Variants in YBX1 observed in about 807,000 individuals in gnomAD.
The protein encoded by YBX1 is Y-box-binding protein 1.
In YBX1, 3 loss-of-function variants were observed where a neutral mutation model predicts 41.4. That is an observed-to-expected ratio of 0.07 (90% CI 0.03 to 0.19). The LOEUF is 0.19. Among genes scored for constraint, YBX1 ranks in the 10% least tolerant of loss-of-function variants. YBX1 has a pLI of 1.00. For missense variants in YBX1, 274 were observed against 462.8 expected (o/e 0.59, Z 3.74); for synonymous variants, 133 against 165.8 (o/e 0.80, Z 1.52).
At chr1:42,701,643 TTAATAA>T (rs778016465) in intron 7 of YBX1, among the ~76,000 whole-genome samples, 1 of 152,126 alleles carries the variant, frequency 6.6e-6, no homozygotes, top group Non-Finnish European at 1.5e-5. Context: ...TGCCTGTAGA[TTAATAA>T]TAATAATTCT....
In YBX1 at chr1:42,693,440, A is replaced by G. The variant is rs16829879; in HGVS notation, c.231-50A>G. On this transcript the variant is annotated intron_variant, in intron 2 of 7. Coordinates refer to ENST00000321358, the MANE Select transcript of YBX1 (RefSeq NM_004559.5). The stretch of plus-strand genomic sequence containing the variant: ...TCTGGGAAAATTAATCTTTGACAAC[A>G]TGAGATTTATTTCATTTTCTAACTT... The G allele has an allele frequency of 7.5e-4, 1,204 of 1,604,472 alleles. 8 individuals are homozygous for G. In the African/African-American group the frequency reaches 0.014, roughly 19 times the overall value.
chr1:42,693,981 T>C (rs1417151997), intron 3 of YBX1, among the ~76,000 whole-genome samples: 1 of 151,674 alleles, frequency 6.6e-6, no homozygotes. Context: ...ACTTGAAAAG[T>C]AGCATAAAGA....
At chr1:42,685,399 A>G (rs1158145443) in intron 2 of YBX1, among the ~76,000 whole-genome samples, 1 of 152,220 alleles carries the variant, frequency 6.6e-6, no homozygotes, top group Admixed American at 6.5e-5. Context: ...AATGTTCTTT[A>G]TGCTTCTGAA....
rs568518096 is a variant in YBX1, at chr1:42,697,137, A to G, written c.658-43A>G. 3.2e-6 allele frequency: 5 copies of G among 1,587,100 alleles called. No individual in the cohort carries two copies. The East Asian group carries it at 1.1e-4, about 35-fold the overall frequency. On this transcript the variant is annotated intron_variant, in intron 5 of 7. Coordinates refer to ENST00000321358, the MANE Select transcript of YBX1 (RefSeq NM_004559.5). Reference sequence around the variant, plus strand: ...ATTTATCTGGTTGGGTTTTTTTATTATATTACTGACCCAGTAGGCTTAATT... The same window carrying G: ...ATTTATCTGGTTGGGTTTTTTTATTGTATTACTGACCCAGTAGGCTTAATT...
chr1:42,687,026 A>G (rs1194126408), intron 2 of YBX1, among the ~76,000 whole-genome samples: 4 of 152,188 alleles, frequency 2.6e-5, no homozygotes, highest in African/African-American at 7.2e-5. Context: ...AAATGATCCA[A>G]GTATGTCACT....
chr1:42,696,414 A>G lies in YBX1; in HGVS notation c.354+126A>G. 2 of 1,048,150 alleles carry G rather than the reference A, an allele frequency of 1.9e-6. No homozygotes were observed. Among genetic ancestry groups the G allele is most frequent in the Non-Finnish European group, 2.8e-6 (2 of 718,176 alleles). 64.9% of individuals were successfully genotyped at this position (1,048,150 alleles called of 1,614,324 possible). Reference sequence around the variant, plus strand: ...GTGACCTCATGAACACAGGTGCATCAAGCCTAATGTTCTGGCTGCAGTTAG... The same window carrying G: ...GTGACCTCATGAACACAGGTGCATCGAGCCTAATGTTCTGGCTGCAGTTAG... On this transcript the variant is annotated intron_variant, in intron 4 of 7. Coordinates refer to ENST00000321358, the MANE Select transcript of YBX1 (RefSeq NM_004559.5). This position sits in a 1 kb window ranked among gnomAD's most constrained non-coding sequence, Gnocchi z 5.7.
chr1:42,696,509 G>GCC lies in YBX1; in HGVS notation c.355-132_355-131insCC, dbSNP rs1491266277. ...TCTGTGCACCCCTGGTCACGCAGTT[G>GCC]CGCCCCCCCCCCCTTTTTTTTCCTT... On this transcript the variant is annotated intron_variant, in intron 4 of 7. Transcript: ENST00000321358. This position sits in a 1 kb window ranked among gnomAD's most constrained non-coding sequence, Gnocchi z 5.7. The GCC allele has an allele frequency of 1.4e-5, 11 of 797,996 alleles. No individual in the cohort carries two copies. Among genetic ancestry groups the GCC allele is most frequent in the South Asian group, 8.8e-5 (4 of 45,626 alleles). The allele number at this position is 797,996 out of a possible 1,614,324, so 49.4% of individuals were successfully genotyped here.
At chr1:42,697,642 A>T (rs1650494341) in intron 6 of YBX1, among the ~76,000 whole-genome samples, 1 of 152,158 alleles carries the variant, frequency 6.6e-6, no homozygotes. Flanking sequence ...ATTATCTTCC[A>T]CTAAACACTT....
intron 6 of YBX1, among the ~76,000 whole-genome samples, chr1:42,700,374 A>AGG (rs1650564865): frequency 6.6e-6 from 1 of 152,030 alleles, no homozygotes; most frequent in Non-Finnish European, 1.5e-5. Flanking sequence ...GAGGCCAAGG[A>AGG]GGGAGGATAG....
chr1:42,683,488 C>A, intron 2 of YBX1, 22 bp downstream of exon 2: 2 of 1,612,430 alleles, frequency 1.2e-6, no homozygotes, highest in Admixed American at 1.7e-5. Flanking sequence ...GGCTCTGAAG[C>A]CTCCATCCCA....
intron 2 of YBX1, among the ~76,000 whole-genome samples, chr1:42,685,875 C>T (rs1391149560): frequency 2.0e-5 from 3 of 152,172 alleles, no homozygotes. Flanking sequence ...CATGAAAGGG[C>T]TTCTCCCTGA....
Position 42,702,369 on chromosome 1 carries a change from C to T in YBX1, c.*420C>T, listed in dbSNP as rs887300855. 3 of 152,568 alleles carry T rather than the reference C, an allele frequency of 2.0e-5. No individual in the cohort carries two copies. Among genetic ancestry groups the T allele is most frequent in the Non-Finnish European group, 4.4e-5 (3 of 68,034 alleles). 9.5% of individuals were successfully genotyped at this position (152,568 alleles called of 1,614,324 possible). On this transcript the variant is annotated 3_prime_UTR_variant, in exon 8 of 8. Coordinates refer to ENST00000321358, the MANE Select transcript of YBX1 (RefSeq NM_004559.5). ...AATAATTGTCTTTGTGTAAATTTGT[C>T]TAGTTTTGCTTTAGTTTGTAAGTAT...
At chr1:42,684,123 A>G (rs1284300697) in intron 2 of YBX1, among the ~76,000 whole-genome samples, 1 of 151,978 alleles carries the variant, frequency 6.6e-6, no homozygotes, top group Non-Finnish European at 1.5e-5. Flanking sequence ...GGTTAAGTCG[A>G]TTTCTGTTAG....
chr1:42,687,876 A>G (rs1650235383), intron 2 of YBX1, among the ~76,000 whole-genome samples: 1 of 152,220 alleles, frequency 6.6e-6, no homozygotes, highest in African/African-American at 2.4e-5. Context: ...ACCGTAACAT[A>G]ACTGACAAAA....
At chr1:42,700,611 C>T (rs1650571538) in intron 6 of YBX1, among the ~76,000 whole-genome samples, 170 bp from the exon 7 acceptor site, 1 of 83,624 alleles carries the variant, frequency 1.2e-5, no homozygotes, top group Non-Finnish European at 2.5e-5. Flanking sequence ...ACTCAGCATC[C>T]CCCCCCCCCC....
At chr1:42,697,332 C>A in intron 6 of YBX1, 70 bp downstream of exon 6, 5 of 1,459,706 alleles carry the variant, frequency 3.4e-6, no homozygotes, top group South Asian at 1.2e-5. Flanking sequence ...CAATATCATG[C>A]CTCTCCTGCA....
intron 2 of YBX1, among the ~76,000 whole-genome samples, chr1:42,685,946 A>G (rs1036578699): frequency 6.6e-6 from 1 of 152,220 alleles, no homozygotes; most frequent in Non-Finnish European, 1.5e-5. Context: ...AAATAGCAGA[A>G]GTTTTGGCTT....
chr1:42,700,270 CA>C (rs1261201825), intron 6 of YBX1, among the ~76,000 whole-genome samples: 1 of 152,084 alleles, frequency 6.6e-6, no homozygotes, highest in Admixed American at 6.6e-5. Context: ...AGGAATCCAT[CA>C]TTTCTGAGCA....
At position 42,696,522 on chromosome 1, in the gene YBX1, C is replaced by CGGGGGGGGGGGGG; in HGVS notation, c.355-120_355-119insGGGGGGGGGGGGG. On this transcript the variant is annotated intron_variant, in intron 4 of 7. Transcript: ENST00000321358. The surrounding 1 kb of genome is among the most constrained non-coding windows in gnomAD (Gnocchi z 5.7). The stretch of plus-strand genomic sequence containing the variant: ...GGTCACGCAGTTGCGCCCCCCCCCC[C>CGGGGGGGGGGGGG]TTTTTTTTCCTTAACTTTGTTGTTT... The CGGGGGGGGGGGGG allele has an allele frequency of 3.1e-6, 2 of 637,562 alleles. No individual in the cohort carries two copies. The highest frequency in any genetic ancestry group is 2.0e-5 in the African/African-American group (1 of 49,878). 39.5% of individuals were successfully genotyped at this position (637,562 alleles called of 1,614,324 possible). A position where few individuals can be genotyped will look rare whatever the true frequency, so the allele number is the denominator to read the frequency against.
Sources: allele counts gnomAD v4.1 joint callset (sites outside exome capture counted in the v4.1 genomes callset), GRCh38; gene constraint gnomAD v4.1.1; non-coding constraint Gnocchi (gnomAD v3.1); transcripts MANE v1.5; gene names NCBI Gene and HGNC (gene_info 2026-07-23, HGNC 2026-07-21).